The following BASP1 variants were observed in gnomAD, a reference collection of about 807,000 sequenced individuals.
BASP1 encodes brain abundant membrane attached signal protein 1, also known as brain acid soluble protein 1.
A neutral mutation model predicts 2.2 loss-of-function variants in BASP1; 1 was observed. The observed-to-expected ratio is 0.46, with a 90% CI of 0.16 to 2.17. BASP1 has a LOEUF of 2.17. BASP1 is among the 30% of genes most tolerant of loss of function. The pLI is 0.27. For missense variants in BASP1, 352 were observed against 327.2 expected, an observed-to-expected ratio of 1.08 and a Z score of -0.58; for synonymous variants, 187 against 154.2, an observed-to-expected ratio of 1.21 and a Z score of -1.58.
chr5:17,235,284 T>C (rs1739718782), intron 1 of BASP1, among the ~76,000 whole-genome samples: 1 of 149,126 alleles, frequency 6.7e-6, no homozygotes, highest in South Asian at 2.1e-4. Context: ...TTTTTGAGAC[T>C]GAGTCTCACT....
chr5:17,267,141 A>C (rs1187006491), intron 1 of BASP1, among the ~76,000 whole-genome samples: 1 of 152,264 alleles, frequency 6.6e-6, no homozygotes, highest in Non-Finnish European at 1.5e-5. Context: ...TTAGCATCGC[A>C]TAAAAGGAAA....
At chr5:17,225,632 G>A (rs1488490129) in intron 1 of BASP1, among the ~76,000 whole-genome samples, 1 of 152,204 alleles carries the variant, frequency 6.6e-6, no homozygotes, top group Admixed American at 6.5e-5. Flanking sequence ...ACGCCAGCTG[G>A]CTTTAGACTT....
rs1740602195 is a variant in BASP1, at chr5:17,275,077, T to A, written c.-9-131T>A. On this transcript the variant is annotated intron_variant, in intron 1 of 1. Transcript: ENST00000322611. This position sits in a 1 kb window ranked among gnomAD's most constrained non-coding sequence, Gnocchi z 5.3. ...GAATTTAACTGTGCCTAACTATAGT[T>A]TACCATGCCACCCCTTTGGGGTGTG... is the stretch of plus-strand genomic sequence containing the variant. The A allele has an allele frequency of 1.3e-6, 1 of 741,256 alleles. No homozygotes were observed. Among genetic ancestry groups the A allele is most frequent in the African/African-American group, 1.8e-5 (1 of 55,772 alleles). 45.9% of individuals were successfully genotyped at this position (741,256 alleles called of 1,614,324 possible).
chr5:17,232,175 T>G (rs1484858520), intron 1 of BASP1, among the ~76,000 whole-genome samples: 1 of 152,220 alleles, frequency 6.6e-6, no homozygotes, highest in African/African-American at 2.4e-5. Context: ...GTGTATTATT[T>G]GAGGGAGACA....
intron 1 of BASP1, among the ~76,000 whole-genome samples, chr5:17,230,694 G>A (rs1579482846): frequency 6.6e-6 from 1 of 152,038 alleles, no homozygotes; most frequent in African/African-American, 2.4e-5. Context: ...CTCCCAAGTA[G>A]GTGGGATTAC....
In BASP1 at chr5:17,276,735, A is replaced by G. The variant is rs967319466; in HGVS notation, c.*835A>G. On this transcript the variant is annotated 3_prime_UTR_variant, in exon 2 of 2. Coordinates refer to ENST00000322611, the MANE Select transcript of BASP1 (RefSeq NM_006317.5). The stretch of plus-strand genomic sequence containing the variant: ...ACCACTCATTGGAAAATGGAAAAAA[A>G]AAACAAAAAAAAAACAAAAAAATGT... 1.2e-5 allele frequency: 1 copy of G among 84,702 alleles called. No individual in the cohort carries two copies. The highest frequency in any genetic ancestry group is 2.1e-4 in the Admixed American group (1 of 4,842). 5.2% of individuals were successfully genotyped at this position (84,702 alleles called of 1,614,324 possible). A position where few individuals can be genotyped will look rare whatever the true frequency, so the allele number is the denominator to read the frequency against.
intron 1 of BASP1, among the ~76,000 whole-genome samples, chr5:17,219,084 A>T (rs2126484020): frequency 6.6e-6 from 1 of 152,224 alleles, no homozygotes; most frequent in Admixed American, 6.5e-5. Context: ...CTTCTGCTAT[A>T]GGGTTGTGGA....
chr5:17,235,173 C>G (rs951746318), intron 1 of BASP1, among the ~76,000 whole-genome samples: 1 of 152,046 alleles, frequency 6.6e-6, no homozygotes, highest in Non-Finnish European at 1.5e-5. Context: ...TGCTGGGGCT[C>G]TCACCTGACA....
intron 1 of BASP1, among the ~76,000 whole-genome samples, chr5:17,242,013 A>C (rs556925643): frequency 1.5e-4 from 23 of 152,144 alleles, no homozygotes; most frequent in Admixed American, 3.3e-4. Context: ...GGGTGAATGG[A>C]TATCTCTAAA....
intron 1 of BASP1, among the ~76,000 whole-genome samples, chr5:17,254,197 G>T (rs298583): frequency 0.09 from 3,212 of 35,724 alleles, 107 homozygotes; most frequent in African/African-American, 0.24. Flanking sequence ...TTTGCAAATA[G>T]TCATAAGCAG....
chr5:17,257,751 G>A (rs1054273958), intron 1 of BASP1, among the ~76,000 whole-genome samples: 4 of 152,168 alleles, frequency 2.6e-5, no homozygotes, highest in African/African-American at 9.7e-5. Context: ...AACTAAAAGA[G>A]GAAAACCTGT....
chr5:17,269,002 T>C (rs1205118128), intron 1 of BASP1, among the ~76,000 whole-genome samples: 1 of 152,262 alleles, frequency 6.6e-6, no homozygotes, highest in East Asian at 1.9e-4. Flanking sequence ...ACCTATTTTT[T>C]AGGCCTATGT....
At position 17,260,115 on chromosome 5, in the gene BASP1, C is replaced by T. The variant is rs144530468; in HGVS notation, c.-9-15093C>T. On this transcript the variant is annotated intron_variant, in intron 1 of 1. Coordinates refer to ENST00000322611, the MANE Select transcript of BASP1 (RefSeq NM_006317.5). The surrounding 1 kb of genome is among the most constrained non-coding windows in gnomAD (Gnocchi z 4.2). ...AACTGGGGCTTTTGAAAGGACCACC[C>T]GTTAAGTGCAAATAAATAACAATGT... Among the ~76,000 whole-genome samples, 29 of 152,056 alleles carry T rather than the reference C, an allele frequency of 1.9e-4. No homozygotes were observed. In the South Asian group the frequency reaches 5.0e-3, roughly 26 times the overall value.
In BASP1 at chr5:17,248,847, C is replaced by T. The variant is rs116125086; in HGVS notation, c.-9-26361C>T. Among the ~76,000 whole-genome samples, 553 of 152,250 alleles carry T rather than the reference C, an allele frequency of 3.6e-3. 4 individuals carry two copies. The highest frequency in any genetic ancestry group is 0.012 in the African/African-American group (509 of 41,542). On this transcript the variant is annotated intron_variant, in intron 1 of 1. Coordinates refer to ENST00000322611, the MANE Select transcript of BASP1 (RefSeq NM_006317.5). ...TTAAAAAGCACGTTTACATGTGGTG[C>T]GCCTATTCTAGGTCTCCTTGATTTC...
intron 1 of BASP1, among the ~76,000 whole-genome samples, chr5:17,263,881 G>A (rs899955684): frequency 1.3e-5 from 2 of 152,200 alleles, no homozygotes; most frequent in African/African-American, 4.8e-5. Context: ...GACATGGGTT[G>A]GCACCTCTTA....
Position 17,275,197 on chromosome 5 carries a change from T to C in BASP1, c.-9-11T>C, listed in dbSNP as rs1269208072. The C allele has an allele frequency of 6.2e-7, 1 of 1,612,148 alleles. No individual in the cohort carries two copies. Among genetic ancestry groups the C allele is most frequent in the Non-Finnish European group, 8.5e-7 (1 of 1,179,682 alleles). On this transcript the variant is annotated splice_polypyrimidine_tract_variant and intron_variant, in intron 1 of 1. Transcript: ENST00000322611. This position sits in a 1 kb window ranked among gnomAD's most constrained non-coding sequence, Gnocchi z 5.3. ...AACCGCCGTTTTGTTTTGTTTTGTG[T>C]TTGCTTCCAGAACTCCAAGATGGGA...
At chr5:17,233,765 T>A (rs1456101586) in intron 1 of BASP1, among the ~76,000 whole-genome samples, 1 of 151,874 alleles carries the variant, frequency 6.6e-6, no homozygotes, top group Non-Finnish European at 1.5e-5. Context: ...TTTCTTTTCT[T>A]TGTTTTTTTT....
intron 1 of BASP1, among the ~76,000 whole-genome samples, chr5:17,226,432 G>A (rs59786952): frequency 2.6e-5 from 4 of 152,266 alleles, no homozygotes; most frequent in East Asian, 1.9e-4. Context: ...CCATTACCAC[G>A]TAGACTAATA....
chr5:17,275,591 C>T lies in BASP1; in HGVS notation c.375C>T (p.Ala125=). The T allele has an allele frequency of 1.4e-6, 2 of 1,402,010 alleles. No individual in the cohort carries two copies. Among genetic ancestry groups the T allele is most frequent in the African/African-American group, 1.5e-5 (1 of 65,292 alleles). The allele number at this position is 1,402,010 out of a possible 1,614,324, so 86.8% of individuals were successfully genotyped here. The change falls in exon 2 of 2, where the codon GCC becomes GCT. Residue 125 remains alanine (A), a synonymous_variant. Transcript: ENST00000322611. The surrounding 1 kb of genome is among the most constrained non-coding windows in gnomAD (Gnocchi z 5.3). The part of the protein sequence containing the change: ...AGGEAPKAAE[A]AAAPAESAAP... ...GCGAGGCCCCCAAAGCTGCTGAGGC[C>T]GCCGCGGCCCCGGCCGAGAGCGCGG...
Sources: gnomAD v4.1 joint callset for allele counts (sites outside exome capture counted in the v4.1 genomes callset) on GRCh38, gnomAD v4.1.1 for gene constraint, Gnocchi (gnomAD v3.1) non-coding constraint, MANE v1.5 for transcripts, NCBI Gene and HGNC (gene_info 2026-07-23, HGNC 2026-07-21) for gene names.